BCAT1: variants seen among roughly 807,000 people sequenced by gnomAD.
The protein encoded by BCAT1 is branched-chain-amino-acid aminotransferase, cytosolic.
BCAT1 carries 48 observed loss-of-function variants against 52.4 expected under a neutral mutation model. The ratio of observed to expected loss-of-function variants is 0.92; its 90% CI spans 0.73 to 1.16. BCAT1 has a LOEUF of 1.16. BCAT1 is among the 50% of genes most tolerant of loss of function. The probability of loss-of-function intolerance (pLI) is 0.00; values close to 1 mark genes in which losing one functional copy is unlikely to be tolerated. For synonymous variants in BCAT1, 167 were observed against 161.3 expected (o/e 1.04, Z -0.27); for missense variants, 451 against 457.1 (o/e 0.99, Z 0.12).
At chr12:24,859,324 G>C (rs1213647516) in intron 5 of BCAT1, among the ~76,000 whole-genome samples, 8 of 152,196 alleles carry the variant, frequency 5.3e-5, no homozygotes, top group Non-Finnish European at 8.8e-5. Flanking sequence ...CTATCAATGA[G>C]TAAAGGATTT....
intron 6 of BCAT1, among the ~76,000 whole-genome samples, chr12:24,846,603 ATGAGAAAG>A (rs1941351401): frequency 6.6e-6 from 1 of 152,230 alleles, no homozygotes; most frequent in African/African-American, 2.4e-5. Flanking sequence ...AGGAAATGAA[ATGAGAAAG>A]TGAGAAAACC....
chr12:24,882,659 C>T (rs1942537131), intron 3 of BCAT1, among the ~76,000 whole-genome samples: 1 of 151,338 alleles, frequency 6.6e-6, no homozygotes, highest in Admixed American at 6.6e-5. Flanking sequence ...AGTTCAGTGG[C>T]AAGATCTTGG....
At chr12:24,890,000 G>A (rs916674600) in intron 3 of BCAT1, among the ~76,000 whole-genome samples, 6 of 152,072 alleles carry the variant, frequency 3.9e-5, no homozygotes, top group Non-Finnish European at 5.9e-5. Flanking sequence ...ACCCCGGGAG[G>A]GCATGGAAGC....
chr12:24,915,281 T>C (rs1235095854), intron 1 of BCAT1, among the ~76,000 whole-genome samples: 1 of 152,180 alleles, frequency 6.6e-6, no homozygotes, highest in Non-Finnish European at 1.5e-5. Flanking sequence ...TGAAAACTTT[T>C]CTGTGATATA....
Position 24,837,128 on chromosome 12 carries a change from G to T in BCAT1, c.818-532C>A, listed in dbSNP as rs184160380. Among the ~76,000 whole-genome samples the T allele has an allele frequency of 1.3e-3, 174 of 131,188 alleles. 12 individuals are homozygous for T. The East Asian group carries it at 0.03, about 23-fold the overall frequency. 86.1% of individuals were successfully genotyped at this position (131,188 alleles called of 152,430 possible). A position where few individuals can be genotyped will look rare whatever the true frequency, so the allele number is the denominator to read the frequency against. ...GGAAGAAAGAGAAGGAAGGGAGGAA[G>T]GGGGGAGGGAAGGAAGGAAAGTTAT... On this transcript the variant is annotated intron_variant, in intron 7 of 10. Coordinates refer to ENST00000261192, the MANE Select transcript of BCAT1 (RefSeq NM_005504.7).
In BCAT1 at chr12:24,948,986, G is replaced by T; in HGVS notation, c.-54C>A. 1 of 1,571,210 alleles carries T rather than the reference G, an allele frequency of 6.4e-7. No homozygotes were observed. Among genetic ancestry groups the T allele is most frequent in the South Asian group, 1.2e-5 (1 of 85,018 alleles). The stretch of plus-strand genomic sequence containing the variant: ...GCTGAGCGGAGGGCAGATCCCAAGG[G>T]TCGTAGCCCCTGGCCGTGTGGACCG... On this transcript the variant is annotated 5_prime_UTR_variant, in exon 1 of 11. Coordinates refer to ENST00000261192, the MANE Select transcript of BCAT1 (RefSeq NM_005504.7).
chr12:24,864,851 C>T (rs1941959000), intron 5 of BCAT1, among the ~76,000 whole-genome samples: 1 of 152,174 alleles, frequency 6.6e-6, no homozygotes, highest in South Asian at 2.1e-4. Context: ...ATCACCAAGG[C>T]CTTCCACATT....
intron 10 of BCAT1, among the ~76,000 whole-genome samples, chr12:24,821,381 G>C (rs1566551530): frequency 1.3e-5 from 2 of 151,990 alleles, no homozygotes; most frequent in Admixed American, 1.3e-4. Flanking sequence ...CCACTTTATG[G>C]AGCTTCAACA....
chr12:24,862,196 T>C (rs929446742), intron 5 of BCAT1, among the ~76,000 whole-genome samples: 1 of 152,240 alleles, frequency 6.6e-6, no homozygotes, highest in East Asian at 1.9e-4. Context: ...TCTACTTCTC[T>C]AATAAACTTG....
chr12:24,909,690 G>A (rs1943284581), intron 1 of BCAT1, among the ~76,000 whole-genome samples: 1 of 152,128 alleles, frequency 6.6e-6, no homozygotes, highest in Admixed American at 6.5e-5. Context: ...CTTCCTGTCT[G>A]TCTGCTTCCT....
At chr12:24,865,222 A>G (rs1379749179) in intron 5 of BCAT1, among the ~76,000 whole-genome samples, 1 of 152,204 alleles carries the variant, frequency 6.6e-6, no homozygotes, top group Non-Finnish European at 1.5e-5. Context: ...TAGTACCTAC[A>G]TGCATGACTG....
intron 1 of BCAT1, among the ~76,000 whole-genome samples, chr12:24,918,916 T>C: frequency 6.6e-6 from 1 of 152,240 alleles, no homozygotes; most frequent in Non-Finnish European, 1.5e-5. Context: ...CCTGCTTGTT[T>C]ATGTGTCAGC....
Position 24,834,055 on chromosome 12 carries a change from T to G in BCAT1, c.904-1192A>C, listed in dbSNP as rs551705595. The G allele has an allele frequency of 4.1e-5, 29 of 705,762 alleles. No individual in the cohort carries two copies. The African/African-American group carries it at 4.4e-4, about 11-fold the overall frequency. The allele number at this position is 705,762 out of a possible 1,614,324, so 43.7% of individuals were successfully genotyped here. On this transcript the variant is annotated intron_variant, in intron 8 of 10. Transcript: ENST00000261192. Reference sequence around the variant, plus strand: ...CTATGTTGCCCAGGCTGGGCTCATGTGATCCTCCCACCTCAGCCTCCCAAA... The same window carrying G: ...CTATGTTGCCCAGGCTGGGCTCATGGGATCCTCCCACCTCAGCCTCCCAAA...
chr12:24,900,514 T>A (rs1216962335), intron 2 of BCAT1, among the ~76,000 whole-genome samples: 1 of 152,114 alleles, frequency 6.6e-6, no homozygotes, highest in African/African-American at 2.4e-5. Flanking sequence ...GTCTGAGAGA[T>A]CAAGGCTGAA....
At chr12:24,910,196 AAACCCC>A (rs1425703869) in intron 1 of BCAT1, among the ~76,000 whole-genome samples, 92 of 152,152 alleles carry the variant, frequency 6.0e-4, no homozygotes, top group African/African-American at 2.1e-3. Flanking sequence ...CAACATGGTG[AAACCCC>A]GTCTCTACTA....
intron 1 of BCAT1, among the ~76,000 whole-genome samples, chr12:24,928,786 A>G (rs1943634595): frequency 6.6e-6 from 1 of 151,846 alleles, no homozygotes; most frequent in Non-Finnish European, 1.5e-5. Flanking sequence ...CCCAGGCTGG[A>G]GTGCAATGGT....
rs969777283 is a variant in BCAT1 at position 24,882,844 on chromosome 12, G to A, written c.280-1433C>T. ...TCGAACTCCTGGGCTCAAGTGATGT[G>A]CCTGCCTCGGCCTCCCAAAGTGCTG... On this transcript the variant is annotated intron_variant, in intron 3 of 10. Coordinates refer to ENST00000261192, the MANE Select transcript of BCAT1 (RefSeq NM_005504.7). Among the ~76,000 whole-genome samples, 5 of 152,044 alleles carry A rather than the reference G, an allele frequency of 3.3e-5. No homozygotes were observed. In the East Asian group the frequency reaches 5.8e-4, roughly 18 times the overall value.
At chr12:24,860,301 T>G (rs545154627) in intron 5 of BCAT1, among the ~76,000 whole-genome samples, 209 of 152,344 alleles carry the variant, frequency 1.4e-3, no homozygotes, top group African/African-American at 4.2e-3. Flanking sequence ...ATTAACAGCA[T>G]GGACTAAACT....
At chr12:24,853,112 T>C (rs1329391902) in intron 5 of BCAT1, among the ~76,000 whole-genome samples, 1 of 152,222 alleles carries the variant, frequency 6.6e-6, no homozygotes, top group East Asian at 1.9e-4. Flanking sequence ...GAGTATTTTA[T>C]TATGAACTGT....
Sources: allele counts gnomAD v4.1 joint callset (sites outside exome capture counted in the v4.1 genomes callset), GRCh38; gene constraint gnomAD v4.1.1; transcripts MANE v1.5; gene names NCBI Gene and HGNC (gene_info 2026-07-23, HGNC 2026-07-21).